The following PPP4R4 variants were observed in gnomAD, a reference collection of about 807,000 sequenced individuals.
PPP4R4 encodes protein phosphatase 4 regulatory subunit 4.
PPP4R4 carries 70 observed loss-of-function variants against 121.8 expected under a neutral mutation model. The observed-to-expected ratio is 0.57, with a 90% confidence interval of 0.47 to 0.70. The LOEUF is 0.70. Ranked by LOEUF, PPP4R4 falls within the 30% of genes least tolerant of loss-of-function variation. PPP4R4 has a pLI of 0.00. For synonymous variants in PPP4R4, 348 were observed against 355.7 expected (o/e 0.98, Z 0.24); for missense variants, 875 against 1,033.6 (o/e 0.85, Z 2.10).
intron 3 of PPP4R4, among the ~76,000 whole-genome samples, chr14:94,217,039 A>G (rs1035292572): frequency 6.6e-6 from 1 of 152,180 alleles, no homozygotes; most frequent in African/African-American, 2.4e-5. Context: ...GGACAGGAAC[A>G]CTGAAAAAGT....
intron 1 of PPP4R4, among the ~76,000 whole-genome samples, chr14:94,174,810 A>G (rs1888575752): frequency 6.6e-6 from 1 of 151,080 alleles, no homozygotes; most frequent in South Asian, 2.1e-4. Context: ...CTGGACCCCC[A>G]TCCCCAAGGG....
intron 2 of PPP4R4, among the ~76,000 whole-genome samples, chr14:94,199,743 G>A (rs55913495): frequency 0.11 from 16,735 of 152,120 alleles, 1,207 homozygotes; most frequent in Admixed American, 0.21. Context: ...ACCTCATTCC[G>A]GGGGTTGATG....
intron 19 of PPP4R4, among the ~76,000 whole-genome samples, chr14:94,261,704 T>C (rs1327076954): frequency 6.6e-6 from 1 of 152,036 alleles, no homozygotes; most frequent in Admixed American, 6.5e-5. Context: ...ATAGGTTTTA[T>C]GTAGATTCCC....
chr14:94,194,417 C>T lies in PPP4R4; in HGVS notation c.192-14047C>T, dbSNP rs1000018469. On this transcript the variant is annotated intron_variant, in intron 2 of 24. Coordinates refer to ENST00000304338, the MANE Select transcript of PPP4R4 (RefSeq NM_058237.2). ...TAACCATGATGATTGTTTCCTGTGCCGGCTTTTCAATAGGAAGTTGTAGAT... is the reference window on the plus strand; with the variant it reads ...TAACCATGATGATTGTTTCCTGTGCTGGCTTTTCAATAGGAAGTTGTAGAT... Among the ~76,000 whole-genome samples the T allele has an allele frequency of 2.6e-5, 4 of 152,194 alleles. No individual in the cohort carries two copies. In the East Asian group the frequency reaches 5.8e-4, roughly 22 times the overall value.
In PPP4R4 at chr14:94,275,438, A is replaced by G. The variant is rs749522292; in HGVS notation, c.2514A>G (p.Leu838=). Residue 838 remains leucine, a synonymous_variant, in exon 24 of 25, where the codon TTA becomes TTG. Coordinates refer to ENST00000304338, the MANE Select transcript of PPP4R4 (RefSeq NM_058237.2). The part of the protein sequence containing the change: ...VPSSFSPNTP[L]PSTSRGTGNS... ...CTTCCTTTTCTCCTAATACTCCCTT[A>G]CCGAGTACTTCCCGTGGGACAGGTA... 3 of 1,613,810 alleles carry G rather than the reference A, an allele frequency of 1.9e-6. No individual in the cohort carries two copies. Among genetic ancestry groups the G allele is most frequent in the African/African-American group, 2.7e-5 (2 of 74,876 alleles).
At chr14:94,228,157 G>A (rs1036160999) in intron 3 of PPP4R4, among the ~76,000 whole-genome samples, 2 of 152,112 alleles carry the variant, frequency 1.3e-5, no homozygotes, top group Admixed American at 1.3e-4. Flanking sequence ...TAGGTTTTCT[G>A]GCAATTAACC....
intron 7 of PPP4R4, 92 bp downstream of exon 7, chr14:94,234,761 C>A: frequency 2.3e-6 from 2 of 867,064 alleles, no homozygotes; most frequent in East Asian, 2.6e-5. Flanking sequence ...TAACAAGTAC[C>A]TCCTCTATGT....
intron 7 of PPP4R4, among the ~76,000 whole-genome samples, chr14:94,236,030 A>G (rs1477436553): frequency 6.6e-6 from 1 of 152,144 alleles, no homozygotes; most frequent in Non-Finnish European, 1.5e-5. Flanking sequence ...AGGCTTTTGA[A>G]TGTCACACAG....
At chr14:94,211,766 A>G (rs1890754497) in intron 3 of PPP4R4, among the ~76,000 whole-genome samples, 1 of 152,180 alleles carries the variant, frequency 6.6e-6, no homozygotes, top group Admixed American at 6.5e-5. Flanking sequence ...AGGACAACTA[A>G]TTAAGACAGT....
At chr14:94,249,058 C>T (rs1295943673) in intron 14 of PPP4R4, among the ~76,000 whole-genome samples, 1 of 151,804 alleles carries the variant, frequency 6.6e-6, no homozygotes, top group Non-Finnish European at 1.5e-5. Context: ...AAAAGAATAC[C>T]TTATGCCATA....
chr14:94,205,170 A>G (rs143300415), intron 2 of PPP4R4, among the ~76,000 whole-genome samples: 2 of 152,272 alleles, frequency 1.3e-5, no homozygotes, highest in East Asian at 3.9e-4. Flanking sequence ...CATTGAAACC[A>G]TCTGGGCCTG....
At chr14:94,264,370 T>G (rs566095422) in intron 19 of PPP4R4, among the ~76,000 whole-genome samples, 1 of 152,258 alleles carries the variant, frequency 6.6e-6, no homozygotes, top group South Asian at 2.1e-4. Flanking sequence ...CTGGCTGGTC[T>G]CAAACTCCTG....
chr14:94,246,483 A>G lies in PPP4R4; in HGVS notation c.1555A>G (p.Ser519Gly). 1 of 1,614,114 alleles carries G rather than the reference A, an allele frequency of 6.2e-7. No homozygotes were observed. Among genetic ancestry groups the G allele is most frequent in the Non-Finnish European group, 8.5e-7 (1 of 1,179,936 alleles). Residue 519 changes from serine (S) to glycine (G), a missense_variant, in exon 14 of 25, where the codon AGC (serine) becomes GGC (glycine). Ser to Gly is a moderately conservative substitution (Grantham distance 56, BLOSUM62 0). Transcript: ENST00000304338. Reference sequence around the variant, plus strand: ...TGCCTGCCTGCCACATGTCATATCAAGCGATCAGATTTATTACCGTTTCTT... The same window carrying G: ...TGCCTGCCTGCCACATGTCATATCAGGCGATCAGATTTATTACCGTTTCTT... ...KYACLPHVIS[S>G]DQIYYRFLQR...
intron 6 of PPP4R4, 45 bp from the exon 7 acceptor site, chr14:94,234,517 T>C: frequency 8.6e-7 from 1 of 1,164,124 alleles, no homozygotes. Context: ...AATATTATTC[T>C]GAAACACTCA....
intron 2 of PPP4R4, among the ~76,000 whole-genome samples, chr14:94,180,869 G>C (rs1006931937): frequency 2.6e-5 from 4 of 151,862 alleles, no homozygotes; most frequent in African/African-American, 9.7e-5. Context: ...GCTCCCCCTA[G>C]TGATATGAAA....
At chr14:94,269,605 C>T (rs1000903031) in intron 23 of PPP4R4, among the ~76,000 whole-genome samples, 1 of 151,102 alleles carries the variant, frequency 6.6e-6, no homozygotes, top group African/African-American at 2.4e-5. Context: ...GGTGTGAACC[C>T]GGGAGGCAGA....
At chr14:94,181,759 C>T (rs1889007806) in intron 2 of PPP4R4, among the ~76,000 whole-genome samples, 2 of 152,186 alleles carry the variant, frequency 1.3e-5, no homozygotes. Flanking sequence ...TTTTCTTTGA[C>T]AACTTATGTT....
At chr14:94,196,515 TGTTG>T (rs1889884364) in intron 2 of PPP4R4, among the ~76,000 whole-genome samples, 1 of 152,016 alleles carries the variant, frequency 6.6e-6, no homozygotes, top group Non-Finnish European at 1.5e-5. Flanking sequence ...GGTTTCACCA[TGTTG>T]GTCAAGCTGG....
In PPP4R4 at chr14:94,264,945, A is replaced by G; in HGVS notation, c.2195A>G (p.Lys732Arg). ...ATGAGTGATAAAATGTTTGAAAAGA[A>G]ACGTAAGTAGTTTTTCTATGTCTTC... ...RPMSDKMFEKKRRDTKTPTQS... is the reference protein window; with the variant it reads ...RPMSDKMFEKRRRDTKTPTQS... The change falls in exon 20 of 25, where the codon AAA becomes AGA. Residue 732 changes from lysine (K) to arginine (R), a missense_variant and splice_region_variant. Coordinates refer to ENST00000304338, the MANE Select transcript of PPP4R4 (RefSeq NM_058237.2). 6.3e-7 allele frequency: 1 copy of G among 1,589,672 alleles called. No individual in the cohort carries two copies. The highest frequency in any genetic ancestry group is 8.6e-7 in the Non-Finnish European group (1 of 1,168,988).
Sources: allele counts gnomAD v4.1 joint callset (sites outside exome capture counted in the v4.1 genomes callset), GRCh38; gene constraint gnomAD v4.1.1; transcripts MANE v1.5; gene names NCBI Gene and HGNC (gene_info 2026-07-23, HGNC 2026-07-21).